The following ZNF107 variants were observed in gnomAD, a reference collection of about 807,000 sequenced individuals.
The protein encoded by ZNF107 is zinc finger protein 107, also known as C2H2 type zinc-finger protein.
A neutral mutation model predicts 12.3 loss-of-function variants in ZNF107; 19 were observed. The observed-to-expected ratio is 1.55, with a 90% confidence interval of 1.08 to 2.27. ZNF107 has a LOEUF of 2.27. Ranked by LOEUF, ZNF107 falls within the 30% of genes most tolerant of loss-of-function variation. The probability of loss-of-function intolerance (pLI) is 0.00; values close to 1 mark genes in which losing one functional copy is unlikely to be tolerated. For missense variants in ZNF107, 958 were observed against 979.9 expected, an observed-to-expected ratio of 0.98 and a Z score of 0.30; for synonymous variants, 317 against 330.5, an observed-to-expected ratio of 0.96 and a Z score of 0.44.
intron 3 of ZNF107, among the ~76,000 whole-genome samples, chr7:64,693,314 G>GTTT (rs376161398): frequency 3.7e-5 from 5 of 134,966 alleles, no homozygotes; most frequent in Non-Finnish European, 1.6e-5. Context: ...CGCCTGGCCA[G>GTTT]TTTTTTTTTT....
chr7:64,684,820 C>T, intron 1 of ZNF107: 2 of 778,946 alleles, frequency 2.6e-6, no homozygotes, highest in Non-Finnish European at 3.1e-6. Context: ...CCTCCTGCTC[C>T]TTTGGCTACC....
intron 3 of ZNF107, among the ~76,000 whole-genome samples, chr7:64,700,563 G>A (rs1259398304): frequency 6.1e-5 from 1 of 16,518 alleles, no homozygotes. Context: ...TGTTGCCCAG[G>A]CTGTGGAGTG....
intron 1 of ZNF107, chr7:64,687,439 G>A: frequency 1.0e-6 from 1 of 985,448 alleles, no homozygotes; most frequent in Non-Finnish European, 1.2e-6. Context: ...TGCTGCTGTG[G>A]CAGTTGGGGT....
At chr7:64,689,203 C>T (rs1790033750) in intron 1 of ZNF107, among the ~76,000 whole-genome samples, 1 of 152,028 alleles carries the variant, frequency 6.6e-6, no homozygotes, top group South Asian at 2.1e-4. Flanking sequence ...GCTGTAACAC[C>T]CAAAAATGCA....
chr7:64,687,914 T>C (rs1350162162), intron 1 of ZNF107, among the ~76,000 whole-genome samples: 1 of 152,222 alleles, frequency 6.6e-6, no homozygotes. Flanking sequence ...CCACACATGA[T>C]ATAAACATAT....
intron 1 of ZNF107, chr7:64,686,566 A>G: frequency 1.0e-6 from 1 of 985,454 alleles, no homozygotes; most frequent in Non-Finnish European, 1.2e-6. Context: ...GGAATGTCAT[A>G]TCCCACAAAT....
chr7:64,669,240 T>C (rs917230798), intron 1 of ZNF107: 1 of 151,742 alleles, frequency 6.6e-6, no homozygotes, highest in Non-Finnish European at 1.5e-5. Context: ...GGCCTTGAAC[T>C]CCTGACCTCA....
At position 64,707,666 on chromosome 7, in the gene ZNF107, C is replaced by G; in HGVS notation, c.1569C>G (p.Asn523Lys). The G allele has an allele frequency of 6.2e-7, 1 of 1,612,264 alleles. No individual in the cohort carries two copies. The highest frequency in any genetic ancestry group is 8.5e-7 in the Non-Finnish European group (1 of 1,179,504). The change falls in exon 4 of 4, where the codon AAC becomes AAG. Residue 523 changes from asparagine to lysine, a missense_variant. Asn to Lys is a moderately conservative substitution (Grantham distance 94, BLOSUM62 0). Coordinates refer to ENST00000620827, the MANE Select transcript of ZNF107 (RefSeq NM_001282359.2). ...ECDRAFSQSS[N>K]LTEHKKIHTG... ...ACAGAGCTTTTAGCCAGTCTTCAAA[C>G]CTTACTGAACATAAGAAAATTCATA...
rs141980471 is a variant in ZNF107 at position 64,700,506 on chromosome 7, C to CTTTTTTTTTTTTTTTTTTT, written c.227-5807_227-5789dup. Among the ~76,000 whole-genome samples, 2 of 66,226 alleles carry CTTTTTTTTTTTTTTTTTTT rather than the reference C, an allele frequency of 3.0e-5. 1 individual carries two copies. Among genetic ancestry groups the CTTTTTTTTTTTTTTTTTTT allele is most frequent in the Non-Finnish European group, 5.1e-5 (2 of 38,894 alleles). 43.4% of individuals were successfully genotyped at this position (66,226 alleles called of 152,430 possible). A position where few individuals can be genotyped will look rare whatever the true frequency, so the allele number is the denominator to read the frequency against. ...GTCTGTCAAACCAAGCCAAATAAACCTTTTTTTTTTTTTTTTTTTTTTTTT... is the reference window on the plus strand; with the variant it reads ...GTCTGTCAAACCAAGCCAAATAAACCTTTTTTTTTTTTTTTTTTTTTTTTTTTTTTTTTTTTTTTTTTTT... On this transcript the variant is annotated intron_variant, in intron 3 of 3. Transcript: ENST00000620827.
At chr7:64,679,901 C>T (rs1183776573) in intron 1 of ZNF107, among the ~76,000 whole-genome samples, 1 of 152,162 alleles carries the variant, frequency 6.6e-6, no homozygotes, top group Non-Finnish European at 1.5e-5. Flanking sequence ...CCCTTGTTCC[C>T]AATGCAATTT....
Position 64,666,189 on chromosome 7 carries a change from C to T in ZNF107, c.-94C>T, listed in dbSNP as rs1051274424. The stretch of plus-strand genomic sequence containing the variant: ...GCTCTCCTCCTCACTGCTCAGTGTC[C>T]TCTGCTCCTAGAGGCCCAGCCTCTG... On this transcript the variant is annotated 5_prime_UTR_variant, in exon 1 of 4. Transcript: ENST00000620827. The T allele has an allele frequency of 7.8e-6, 12 of 1,529,920 alleles. No individual in the cohort carries two copies. The highest frequency in any genetic ancestry group is 1.4e-5 in the African/African-American group (1 of 72,844). 94.8% of individuals were successfully genotyped at this position (1,529,920 alleles called of 1,614,324 possible). A position where few individuals can be genotyped will look rare whatever the true frequency, so the allele number is the denominator to read the frequency against.
chr7:64,708,459 C>T lies in ZNF107; in HGVS notation c.2362C>T (p.Pro788Ser), dbSNP rs138845325. ...TAAGAAAATTCATACTTCAGAGAAA[C>T]CCTACAAATGTGAAGAATGTGGCAA... ...THKKIHTSEK[P>S]YKCEECGKSF... is the part of the protein sequence containing the mutation. Residue 788 changes from proline (P) to serine (S), a missense_variant, in exon 4 of 4, where the codon CCC becomes TCC. Coordinates refer to ENST00000620827, the MANE Select transcript of ZNF107 (RefSeq NM_001282359.2). The T allele has an allele frequency of 1.2e-6, 2 of 1,605,836 alleles. No individual in the cohort carries two copies. Among genetic ancestry groups the T allele is most frequent in the African/African-American group, 2.7e-5 (2 of 74,678 alleles).
At position 64,691,964 on chromosome 7, in the gene ZNF107, G is replaced by C. The variant is rs1306930529; in HGVS notation, c.226+4G>C. ...GAGATGGTAGCCAAACCCCCAGGTA[G>C]GTGAGAGTGAAAGTGAATACAACAG... On this transcript the variant is annotated splice_donor_region_variant and intron_variant, in intron 3 of 3. Transcript: ENST00000620827. 1 of 1,498,888 alleles carries C rather than the reference G, an allele frequency of 6.7e-7. No individual in the cohort carries two copies. The highest frequency in any genetic ancestry group is 8.9e-7 in the Non-Finnish European group (1 of 1,123,144). 92.8% of individuals were successfully genotyped at this position (1,498,888 alleles called of 1,614,324 possible).
intron 3 of ZNF107, among the ~76,000 whole-genome samples, chr7:64,701,652 C>G (rs572269909): frequency 6.6e-5 from 10 of 151,926 alleles, no homozygotes; most frequent in African/African-American, 2.4e-4. Flanking sequence ...TAGGGTTTCA[C>G]TCTGTCAATC....
At chr7:64,674,532 T>C (rs1789349637) in intron 1 of ZNF107, among the ~76,000 whole-genome samples, 1 of 152,198 alleles carries the variant, frequency 6.6e-6, no homozygotes, top group Non-Finnish European at 1.5e-5. Context: ...CTTTTCTAGA[T>C]ATGTTGTCTG....
At chr7:64,697,076 T>C (rs1218977495) in intron 3 of ZNF107, among the ~76,000 whole-genome samples, 2 of 152,114 alleles carry the variant, frequency 1.3e-5, no homozygotes, top group Admixed American at 6.6e-5. Flanking sequence ...TGTTTGGTTT[T>C]TTGTCCTTGC....
intron 3 of ZNF107, among the ~76,000 whole-genome samples, chr7:64,704,893 T>C (rs893732141): frequency 2.6e-5 from 4 of 152,316 alleles, no homozygotes; most frequent in Non-Finnish European, 4.4e-5. Context: ...TTGATCAGGC[T>C]GGTCTTGAAC....
In ZNF107 at chr7:64,691,892, T is replaced by C. The variant is rs779555682; in HGVS notation, c.158T>C (p.Ile53Thr). Residue 53 changes from isoleucine to threonine, a missense_variant, in exon 3 of 4, where the codon ATC (isoleucine) becomes ACC (threonine). Transcript: ENST00000620827. The stretch of plus-strand genomic sequence containing the variant: ...ATTGCTGTCTCTAAGCCATATCTGA[T>C]CACCTGTCTGGAGCAAAAAAAAGAG... Reference protein sequence around the residue: ...LGIAVSKPYLITCLEQKKEPW... With the variant: ...LGIAVSKPYLTTCLEQKKEPW... The C allele has an allele frequency of 4.0e-6, 6 of 1,503,786 alleles. No individual in the cohort carries two copies. The highest frequency in any genetic ancestry group is 5.3e-6 in the Non-Finnish European group (6 of 1,134,210). 93.2% of individuals were successfully genotyped at this position (1,503,786 alleles called of 1,614,324 possible).
In ZNF107 at chr7:64,708,387, G is replaced by T; in HGVS notation, c.2290G>T (p.Glu764Ter). The T allele has an allele frequency of 1.2e-6, 2 of 1,612,908 alleles. No homozygotes were observed. The highest frequency in any genetic ancestry group is 1.7e-6 in the Non-Finnish European group (2 of 1,179,594). Residue 764 changes from glutamate to a stop codon, truncating the protein, a stop_gained, in exon 4 of 4, where the codon GAA becomes TAA. Transcript: ENST00000620827. LOFTEE classifies it low-confidence loss of function (END_TRUNC). ...TACTGGAGAGAAACCCTATAAATGT[G>T]AAGAATGTGGCAAAGCTTTTAACCA... The part of the protein sequence containing the change: ...IHTGEKPYKC[E>*]ECGKAFNQSS...
Sources: gnomAD v4.1 joint callset for allele counts (sites outside exome capture counted in the v4.1 genomes callset) on GRCh38, gnomAD v4.1.1 for gene constraint, MANE v1.5 for transcripts, NCBI Gene and HGNC (gene_info 2026-07-23, HGNC 2026-07-21) for gene names.